Variants in PBRM1 observed in about 807,000 individuals in gnomAD.
PBRM1 encodes the protein protein polybromo-1.
In PBRM1, 27 loss-of-function variants were observed where a neutral mutation model predicts 194.5. The ratio of observed to expected loss-of-function variants is 0.14; its 90% CI spans 0.10 to 0.19. The LOEUF (loss-of-function observed/expected upper bound fraction) is 0.19, where lower values mean the gene tolerates loss of function less well. PBRM1 is among the 10% of genes least tolerant of loss of function. PBRM1 has a pLI of 1.00. For synonymous variants in PBRM1, 655 were observed against 693.2 expected (o/e 0.94, Z 0.87); for missense variants, 1,466 against 2,077.2 (o/e 0.71, Z 5.72).
intron 27 of PBRM1, among the ~76,000 whole-genome samples, chr3:52,553,289 CAT>C (rs1370925562): frequency 2.6e-5 from 4 of 152,160 alleles, no homozygotes; most frequent in East Asian, 3.8e-4. Flanking sequence ...AATATGGGAA[CAT>C]GTGATTTTCC....
At chr3:52,634,663 T>C (rs2153644953) in exon 11 of PBRM1, 1 of 1,613,816 alleles carries the variant, frequency 6.2e-7, no homozygotes, top group Non-Finnish European at 8.5e-7. Flanking sequence ...TATTTTTTCT[T>C]TGAAGGCAAA....
chr3:52,556,598 G>A (rs1435679490), intron 26 of PBRM1, among the ~76,000 whole-genome samples: 1 of 152,184 alleles, frequency 6.6e-6, no homozygotes, highest in African/African-American at 2.4e-5. Context: ...ACTGTACTTT[G>A]GCATTTATTA....
intron 16 of PBRM1, among the ~76,000 whole-genome samples, chr3:52,607,285 A>AT (rs2094396112): frequency 6.6e-6 from 1 of 152,022 alleles, no homozygotes; most frequent in African/African-American, 2.4e-5. Context: ...TCTTTAAAAA[A>AT]TTTTTCCTAA....
At chr3:52,634,723 T>G in exon 11 of PBRM1, 1 of 1,613,838 alleles carries the variant, frequency 6.2e-7, no homozygotes, top group Non-Finnish European at 8.5e-7. Context: ...CGACAACTCC[T>G]AACTGTGTCA....
chr3:52,682,916 T>G (rs1350464236), upstream of PBRM1, among the ~76,000 whole-genome samples: 4 of 151,792 alleles, frequency 2.6e-5, no homozygotes, highest in African/African-American at 9.7e-5. Flanking sequence ...ATACAAAAAT[T>G]TAGCTGGGTG....
chr3:52,591,765 G>A (rs1322856066), intron 17 of PBRM1, among the ~76,000 whole-genome samples: 2 of 144,356 alleles, frequency 1.4e-5, no homozygotes, highest in African/African-American at 2.6e-5. Context: ...TGATCCACCC[G>A]CCCCGGCCTC....
chr3:52,574,185 A>G lies in PBRM1; in HGVS notation c.3691+2356T>C, dbSNP rs114141953. 3.5e-3 allele frequency among the ~76,000 whole-genome samples: 528 copies of G among 152,370 alleles called. 4 individuals carry two copies. Among genetic ancestry groups the G allele is most frequent in the African/African-American group, 0.012 (503 of 41,592 alleles). On this transcript the variant is annotated intron_variant, in intron 22 of 29. Coordinates refer to ENST00000296302, the Ensembl canonical transcript of PBRM1. ...GAAAGTCCAAGATAAAGGTGCCAGC[A>G]TCTGGCAAGGGCTTTCTTGCTATGT... is the stretch of plus-strand genomic sequence containing the variant.
chr3:52,685,325 C>T (rs1381385156), intron 1 of PBRM1: 1 of 152,026 alleles, frequency 6.6e-6, no homozygotes, highest in African/African-American at 2.4e-5. Flanking sequence ...GATTAAAATA[C>T]CCGGAAAAAA....
At chr3:52,581,178 A>G (rs1193537557) in intron 20 of PBRM1, among the ~76,000 whole-genome samples, 2 of 152,252 alleles carry the variant, frequency 1.3e-5, no homozygotes, top group Admixed American at 6.5e-5. Context: ...TTATGACTTC[A>G]AATGTGATAC....
chr3:52,599,101 A>G (rs1182540865), intron 17 of PBRM1, among the ~76,000 whole-genome samples: 2 of 151,404 alleles, frequency 1.3e-5, no homozygotes, highest in African/African-American at 4.9e-5. Context: ...GAGGCAAGAG[A>G]CTCGCTTGAG....
chr3:52,608,169 G>A (rs2094444488), intron 16 of PBRM1, among the ~76,000 whole-genome samples: 1 of 152,130 alleles, frequency 6.6e-6, no homozygotes, highest in African/African-American at 2.4e-5. Context: ...CAAGCTTTTA[G>A]AGCACAGAGC....
In PBRM1 at chr3:52,587,522, G is replaced by T; in HGVS notation, c.2966-12C>A. The T allele has an allele frequency of 6.3e-7, 1 of 1,578,320 alleles. No individual in the cohort carries two copies. Among genetic ancestry groups the T allele is most frequent in the African/African-American group, 1.4e-5 (1 of 72,922 alleles). ...CAACCATTTTTCACCTCAAAAATGG[G>T]GGGTGGGGGAAGGGGAAGAGAAAGA... On this transcript the variant is annotated splice_polypyrimidine_tract_variant and intron_variant, in intron 18 of 29. Transcript: ENST00000296302.
At chr3:52,646,313 T>C (rs892289352) in intron 7 of PBRM1, among the ~76,000 whole-genome samples, 7 of 152,202 alleles carry the variant, frequency 4.6e-5, no homozygotes, top group African/African-American at 1.4e-4. Context: ...TGAGTCTCCT[T>C]TGGCAAATTC....
intron 2 of PBRM1, among the ~76,000 whole-genome samples, chr3:52,677,877 A>G (rs1178765705): frequency 6.6e-6 from 1 of 151,578 alleles, no homozygotes; most frequent in Non-Finnish European, 1.5e-5. Context: ...CTCTTTTTTA[A>G]ATATTTATTT....
intron 17 of PBRM1, among the ~76,000 whole-genome samples, chr3:52,600,229 G>C (rs547298042): frequency 1.1e-3 from 172 of 152,194 alleles, no homozygotes; most frequent in African/African-American, 3.8e-3. Flanking sequence ...GATACACTTG[G>C]AAAGTTTTCA....
chr3:52,600,765 A>T (rs1022673669), intron 17 of PBRM1, among the ~76,000 whole-genome samples: 7 of 152,088 alleles, frequency 4.6e-5, no homozygotes, highest in Non-Finnish European at 1.0e-4. Flanking sequence ...CAGCCTTCCG[A>T]GTAGTTGGGA....
At chr3:52,587,356 G>C (rs1037450091) in exon 19 of PBRM1, 1 of 1,604,064 alleles carries the variant, frequency 6.2e-7, no homozygotes, top group Non-Finnish European at 8.5e-7. Context: ...TTCTTACCTT[G>C]ACAAACATGA....
intron 20 of PBRM1, among the ~76,000 whole-genome samples, chr3:52,584,390 T>C (rs1302931628): frequency 6.6e-6 from 1 of 151,948 alleles, no homozygotes; most frequent in Non-Finnish European, 1.5e-5. Flanking sequence ...ATTTGCTAAA[T>C]TTTCTGTTTC....
chr3:52,644,246 G>C (rs1418105837), intron 8 of PBRM1, among the ~76,000 whole-genome samples: 1 of 151,930 alleles, frequency 6.6e-6, no homozygotes, highest in African/African-American at 2.4e-5. Flanking sequence ...CAGCAGCAAA[G>C]GTGCTAAGAG....
Sources: gnomAD v4.1 joint callset for allele counts (sites outside exome capture counted in the v4.1 genomes callset) on GRCh38, gnomAD v4.1.1 for gene constraint, MANE v1.5 for transcripts, NCBI Gene and HGNC (gene_info 2026-07-23, HGNC 2026-07-21) for gene names.